SHANK2: variants seen among roughly 807,000 people sequenced by gnomAD.
SHANK2 encodes SH3 and multiple ankyrin repeat domains 2.
In SHANK2, 43 loss-of-function variants were observed where a neutral mutation model predicts 133.7. The observed-to-expected ratio is 0.32, with a 90% CI of 0.25 to 0.41. SHANK2 has a LOEUF of 0.41. Among genes scored for constraint, SHANK2 ranks in the 10% least tolerant of loss-of-function variants. The pLI, the probability that SHANK2 is intolerant of heterozygous loss-of-function variation, is 1.00. For synonymous variants in SHANK2, 1,017 were observed against 952.8 expected (o/e 1.07, Z -1.24); for missense variants, 1,994 against 2,235.8 (o/e 0.89, Z 2.18).
chr11:71,137,270 T>G lies in SHANK2; in HGVS notation c.207+9850A>C, dbSNP rs539037308. On this transcript the variant is annotated intron_variant, in intron 3 of 25. Transcript: ENST00000601538. ...AGTCTTTTCTTTTTTTTTAAATCCT[T>G]TTTTAAAATAAGTATTAAAATCCTT... is the stretch of plus-strand genomic sequence containing the variant. Among the ~76,000 whole-genome samples the G allele has an allele frequency of 2.7e-5, 4 of 150,094 alleles. No individual in the cohort carries two copies. In the South Asian group the frequency reaches 8.5e-4, roughly 32 times the overall value.
In SHANK2 at chr11:70,896,474, ACACAGTTTCTC is replaced by A. The variant is rs1555075707; in HGVS notation, c.1174+16_1174+26del. ...CAGAGCATCTCCAAACCAAATCCCAACACAGTTTCTCCACGTGCCTACTCACCAATGTCTGT... is the reference window on the plus strand; with the variant it reads ...CAGAGCATCTCCAAACCAAATCCCAACACGTGCCTACTCACCAATGTCTGT... On this transcript the variant is annotated intron_variant, in intron 11 of 25. Transcript: ENST00000601538. 1 of 704,374 alleles carries A rather than the reference ACACAGTTTCTC, an allele frequency of 1.4e-6. No homozygotes were observed. Among genetic ancestry groups the A allele is most frequent in the Admixed American group, 2.1e-5 (1 of 48,708 alleles). The allele number at this position is 704,374 out of a possible 1,614,324, so 43.6% of individuals were successfully genotyped here. A position where few individuals can be genotyped will look rare whatever the true frequency, so the allele number is the denominator to read the frequency against.
rs71049942 is a variant in SHANK2, at chr11:70,784,343, G to GTTTTTTTTTTTTTTT, written c.1777+14085_1777+14099dup. On this transcript the variant is annotated intron_variant, in intron 14 of 25. Coordinates refer to ENST00000601538, the MANE Select transcript of SHANK2 (RefSeq NM_012309.5). ...AGGGCGTGCGCCACCACACCGGCTA[G>GTTTTTTTTTTTTTTT]TTTTTTTTTTTTTTTTTTTTTTTTT... Among the ~76,000 whole-genome samples, 2 of 42,846 alleles carry GTTTTTTTTTTTTTTT rather than the reference G, an allele frequency of 4.7e-5. 1 individual carries two copies. The highest frequency in any genetic ancestry group is 1.6e-4 in the African/African-American group (2 of 12,582). 28.1% of individuals were successfully genotyped at this position (42,846 alleles called of 152,430 possible). A position where few individuals can be genotyped will look rare whatever the true frequency, so the allele number is the denominator to read the frequency against.
In SHANK2 at chr11:70,479,681, A is replaced by C. The variant is rs1344203109; in HGVS notation, c.4979+5633T>G. ...GAAGCCATGGGGGACCCCCACAAGC[A>C]CACACTCACTGCTCTGTTGCCCCCA... On this transcript the variant is annotated intron_variant, in intron 25 of 25. Coordinates refer to ENST00000601538, the MANE Select transcript of SHANK2 (RefSeq NM_012309.5). The surrounding 1 kb of genome is among the most constrained non-coding windows in gnomAD (Gnocchi z 4.4). 6.6e-6 allele frequency among the ~76,000 whole-genome samples: 1 copy of C among 152,236 alleles called. No individual in the cohort carries two copies. Among genetic ancestry groups the C allele is most frequent in the African/African-American group, 2.4e-5 (1 of 41,464 alleles).
At chr11:70,736,745 G>A (rs1946412822) in intron 14 of SHANK2, among the ~76,000 whole-genome samples, 1 of 152,092 alleles carries the variant, frequency 6.6e-6, no homozygotes, top group African/African-American at 2.4e-5. Context: ...TTCCATGGCG[G>A]CTCCCCGCCA....
At chr11:71,065,879 T>TG (rs1162928668) in intron 9 of SHANK2, among the ~76,000 whole-genome samples, 1 of 17,478 alleles carries the variant, frequency 5.7e-5, no homozygotes, top group African/African-American at 2.2e-4. Context: ...GTGGGGAAGT[T>TG]GGGGGGGATA....
Position 71,184,512 on chromosome 11 carries a change from G to A in SHANK2, c.-12-37174C>T, listed in dbSNP as rs78829147. Among the ~76,000 whole-genome samples the A allele has an allele frequency of 6.9e-3, 1,052 of 152,264 alleles. 12 individuals carry two copies. Among genetic ancestry groups the A allele is most frequent in the African/African-American group, 0.024 (1,002 of 41,556 alleles). On this transcript the variant is annotated intron_variant, in intron 2 of 25. Transcript: ENST00000601538. ...ACTGAAGCCCAATGATACCCACTGG[G>A]CTGCAGCAGCTGCTCAACCCGAGGG...
rs1948191876 is a variant in SHANK2 at position 71,252,026 on chromosome 11, G to A, written c.-113+399C>T. Reference sequence around the variant, plus strand: ...GACCCGGGGCAAGGAGACCCCGGGAGAGCGGGGGAGGTCGCGCCACACGCG... The same window carrying A: ...GACCCGGGGCAAGGAGACCCCGGGAAAGCGGGGGAGGTCGCGCCACACGCG... On this transcript the variant is annotated intron_variant, in intron 1 of 25. Transcript: ENST00000601538. This position sits in a 1 kb window ranked among gnomAD's most constrained non-coding sequence, Gnocchi z 6.3. Among the ~76,000 whole-genome samples the A allele has an allele frequency of 6.6e-6, 1 of 152,154 alleles. No homozygotes were observed. The highest frequency in any genetic ancestry group is 1.5e-5 in the Non-Finnish European group (1 of 68,010).
intron 17 of SHANK2, among the ~76,000 whole-genome samples, chr11:70,549,416 G>A (rs527524487): frequency 6.6e-6 from 1 of 152,354 alleles, no homozygotes; most frequent in East Asian, 1.9e-4. Flanking sequence ...CCCGATGGCC[G>A]AGAAAGGTGC....
chr11:70,901,604 G>A (rs1040673643), intron 10 of SHANK2, among the ~76,000 whole-genome samples: 1 of 152,170 alleles, frequency 6.6e-6, no homozygotes, highest in Non-Finnish European at 1.5e-5. Context: ...AATACAGACA[G>A]ATGCCTACCT....
At chr11:71,099,278 G>C (rs1263740723) in intron 6 of SHANK2, among the ~76,000 whole-genome samples, 2 of 152,134 alleles carry the variant, frequency 1.3e-5, no homozygotes, top group Non-Finnish European at 2.9e-5. Context: ...GCTTATGAGA[G>C]AAGAAAAAGG....
intron 3 of SHANK2, among the ~76,000 whole-genome samples, chr11:71,138,136 C>T (rs537590374): frequency 1.6e-5 from 1 of 63,240 alleles, no homozygotes; most frequent in African/African-American, 4.0e-5. Context: ...CCTGCACCAG[C>T]CGCCCAGAGC....
chr11:71,151,215 T>TG (rs1555108021), intron 2 of SHANK2, among the ~76,000 whole-genome samples: 1 of 152,010 alleles, frequency 6.6e-6, no homozygotes, highest in Admixed American at 6.5e-5. Context: ...GTTTTATAAC[T>TG]GGGGGGCCCT....
intron 2 of SHANK2, among the ~76,000 whole-genome samples, chr11:71,158,781 G>T (rs1191524931): frequency 6.6e-6 from 1 of 152,178 alleles, no homozygotes; most frequent in Non-Finnish European, 1.5e-5. Context: ...AAAAAGCACA[G>T]AACCTTAGGC....
At chr11:70,744,129 G>A (rs2134832880) in intron 14 of SHANK2, among the ~76,000 whole-genome samples, 1 of 152,344 alleles carries the variant, frequency 6.6e-6, no homozygotes, top group Non-Finnish European at 1.5e-5. Context: ...CCCAAGGGGA[G>A]GAAAGTGGAA....
chr11:70,681,811 C>G (rs186572941), intron 15 of SHANK2, among the ~76,000 whole-genome samples: 146 of 152,112 alleles, frequency 9.6e-4, no homozygotes, highest in Admixed American at 8.1e-3. Flanking sequence ...TTTCTGGATA[C>G]CAGAGCTCTA....
intron 17 of SHANK2, among the ~76,000 whole-genome samples, chr11:70,603,040 A>G (rs1247314360): frequency 6.6e-6 from 1 of 152,254 alleles, no homozygotes; most frequent in African/African-American, 2.4e-5. Flanking sequence ...AGAAAGCTGG[A>G]AAACAGGTAA....
At chr11:70,549,168 G>A (rs116738531) in intron 17 of SHANK2, among the ~76,000 whole-genome samples, 3,869 of 152,296 alleles carry the variant, frequency 0.025, 156 homozygotes, top group African/African-American at 0.089. Flanking sequence ...GAAAGCTCAT[G>A]CTGACCACAC....
rs2059036861 is a variant in SHANK2, at chr11:70,500,653, C to T, written c.2288-63G>A. 3 of 1,569,552 alleles carry T rather than the reference C, an allele frequency of 1.9e-6. No individual in the cohort carries two copies. Among genetic ancestry groups the T allele is most frequent in the Non-Finnish European group, 2.6e-6 (3 of 1,157,178 alleles). Reference sequence around the variant, plus strand: ...ATGCAGCGCCCGCCCGCAGCCTACACTCGGGCCTTGTCAGCTCAGGGCGCC... The same window carrying T: ...ATGCAGCGCCCGCCCGCAGCCTACATTCGGGCCTTGTCAGCTCAGGGCGCC... On this transcript the variant is annotated intron_variant, in intron 20 of 25. Transcript: ENST00000601538. This position sits in a 1 kb window ranked among gnomAD's most constrained non-coding sequence, Gnocchi z 4.5.
chr11:70,693,745 T>A (rs534843041), intron 15 of SHANK2, among the ~76,000 whole-genome samples: 23 of 152,190 alleles, frequency 1.5e-4, no homozygotes, highest in African/African-American at 5.1e-4. Context: ...ATGCAGTGGT[T>A]GGGTGGATGG....
Sources: gnomAD v4.1 joint callset for allele counts (sites outside exome capture counted in the v4.1 genomes callset) on GRCh38, gnomAD v4.1.1 for gene constraint, Gnocchi (gnomAD v3.1) non-coding constraint, MANE v1.5 for transcripts, NCBI Gene and HGNC (gene_info 2026-07-23, HGNC 2026-07-21) for gene names.